The following CEMIP2 variants were observed in gnomAD, a reference collection of about 807,000 sequenced individuals.
CEMIP2 encodes cell surface hyaluronidase CEMIP2.
CEMIP2 carries 79 observed loss-of-function variants against 146.9 expected under a neutral mutation model. The observed-to-expected ratio is 0.54, with a 90% CI of 0.45 to 0.65. The LOEUF (loss-of-function observed/expected upper bound fraction) is 0.65. Among genes scored for constraint, CEMIP2 ranks in the 30% least tolerant of loss-of-function variants. The pLI, the probability that CEMIP2 is intolerant of heterozygous loss-of-function variation, is 0.00. For synonymous variants in CEMIP2, 601 were observed against 606.3 expected (o/e 0.99, Z 0.13); for missense variants, 1,596 against 1,696.2 (o/e 0.94, Z 1.04).
intron 22 of CEMIP2, chr9:71,687,462 C>CTGTGTGTGTGTGTGTGTGTGTGTG (rs71353506): frequency 7.1e-6 from 1 of 141,328 alleles, no homozygotes; most frequent in Non-Finnish European, 1.5e-5. Context: ...TATTTATTTT[C>CTGTGTGTGTGTGTGTGTGTGTGTG]TGTGTGTGTG....
chr9:71,740,743 T>A (rs1823890123), intron 4 of CEMIP2, among the ~76,000 whole-genome samples: 1 of 152,198 alleles, frequency 6.6e-6, no homozygotes, highest in Admixed American at 6.5e-5. Context: ...TAGTTTGCAA[T>A]AATTTATTTT....
intron 13 of CEMIP2, 50 bp from the exon 14 acceptor site, chr9:71,716,602 A>G (rs1823064457): frequency 7.0e-7 from 1 of 1,424,008 alleles, no homozygotes; most frequent in Non-Finnish European, 9.7e-7. Context: ...ATATTATGTA[A>G]AAAGAGGTAA....
At position 71,745,525 on chromosome 9, in the gene CEMIP2, G is replaced by A; in HGVS notation, c.527C>T (p.Thr176Ile). The change falls in exon 4 of 24, where the codon ACT (threonine) becomes ATT (isoleucine). Residue 176 changes from threonine (T) to isoleucine (I), a missense_variant. Transcript: ENST00000377044. ...ACCATCCTGGATCAGGATGTAATGA[G>A]TCCTCAAAGTAATATTTCTGGATCC... ...KDGSRNITLR[T>I]HYILIQDGGA... The A allele has an allele frequency of 1.2e-6, 2 of 1,613,220 alleles. No individual in the cohort carries two copies. Among genetic ancestry groups the A allele is most frequent in the Non-Finnish European group, 1.7e-6 (2 of 1,179,906 alleles).
At chr9:71,706,828 A>G (rs1005897793) in intron 17 of CEMIP2, among the ~76,000 whole-genome samples, 2 of 151,720 alleles carry the variant, frequency 1.3e-5, no homozygotes, top group East Asian at 1.9e-4. Flanking sequence ...TTATTTATTT[A>G]TTATTATTAT....
intron 15 of CEMIP2, among the ~76,000 whole-genome samples, chr9:71,714,280 CTG>C (rs374013264): frequency 2.6e-5 from 4 of 152,212 alleles, no homozygotes; most frequent in African/African-American, 9.7e-5. Context: ...GAAGTCCAAA[CTG>C]TGCCTCAGAA....
intron 3 of CEMIP2, among the ~76,000 whole-genome samples, 173 bp from the exon 4 acceptor site, chr9:71,745,752 C>T (rs1394366652): frequency 6.6e-6 from 1 of 152,242 alleles, no homozygotes; most frequent in East Asian, 1.9e-4. Flanking sequence ...TCTTAATATA[C>T]TCTCAATGCC....
chr9:71,709,706 A>T (rs1257359922), intron 16 of CEMIP2, among the ~76,000 whole-genome samples: 1 of 152,230 alleles, frequency 6.6e-6, no homozygotes. Flanking sequence ...TTTAATGGGC[A>T]AATGTTAAAC....
At chr9:71,744,898 T>C in intron 4 of CEMIP2, 120 bp downstream of exon 4, 2 of 1,039,568 alleles carry the variant, frequency 1.9e-6, no homozygotes, top group Non-Finnish European at 1.4e-6. Flanking sequence ...GACATGCAAA[T>C]GGTAGAGTGG....
chr9:71,742,582 T>G (rs542022224), intron 4 of CEMIP2, among the ~76,000 whole-genome samples: 16 of 152,262 alleles, frequency 1.1e-4, no homozygotes, highest in Non-Finnish European at 2.9e-5. Flanking sequence ...GAGCAATATT[T>G]TAAAAGGAAT....
At chr9:71,736,901 C>G (rs191867185) in intron 5 of CEMIP2, among the ~76,000 whole-genome samples, 28 of 152,124 alleles carry the variant, frequency 1.8e-4, no homozygotes, top group Admixed American at 4.6e-4. Context: ...CTAGGATGGG[C>G]GTGGTGGCTT....
intron 14 of CEMIP2, 144 bp from the exon 15 acceptor site, chr9:71,715,233 ACTG>A (rs1823012877): frequency 6.0e-5 from 42 of 697,782 alleles, no homozygotes; most frequent in South Asian, 1.6e-4. Context: ...GTCTTCAGAA[ACTG>A]CTTTTTTTTT....
chr9:71,717,408 A>T (rs1197313061), intron 13 of CEMIP2, among the ~76,000 whole-genome samples: 1 of 152,122 alleles, frequency 6.6e-6, no homozygotes, highest in East Asian at 1.9e-4. Flanking sequence ...AAAAATACAC[A>T]CACACATTTT....
intron 6 of CEMIP2, among the ~76,000 whole-genome samples, chr9:71,733,573 C>T (rs1310281482): frequency 6.6e-6 from 1 of 152,070 alleles, no homozygotes; most frequent in Non-Finnish European, 1.5e-5. Context: ...GAAAATTTTT[C>T]CTTAAATGTT....
At chr9:71,689,974 T>C in intron 22 of CEMIP2, 118 bp downstream of exon 22, 1 of 1,275,882 alleles carries the variant, frequency 7.8e-7, no homozygotes, top group Non-Finnish European at 1.1e-6. Flanking sequence ...ATGAACACCT[T>C]GCATAGTGCC....
intron 11 of CEMIP2, among the ~76,000 whole-genome samples, chr9:71,724,057 G>A (rs1236302044): frequency 2.0e-5 from 3 of 152,096 alleles, no homozygotes; most frequent in Admixed American, 6.6e-5. Flanking sequence ...CAACACCTTG[G>A]GAGGCCAAGG....
At chr9:71,714,693 A>G (rs1177647151) in intron 15 of CEMIP2, among the ~76,000 whole-genome samples, 1 of 152,230 alleles carries the variant, frequency 6.6e-6, no homozygotes, top group Non-Finnish European at 1.5e-5. Flanking sequence ...TATAAAATTG[A>G]TAATTAAATC....
In CEMIP2 at chr9:71,685,218, C is replaced by T. The variant is rs1354874502; in HGVS notation, c.4131G>A (p.Lys1377=). The change falls in exon 24 of 24, where the codon AAG becomes AAA. Residue 1377 remains lysine, a synonymous_variant. Coordinates refer to ENST00000377044, the MANE Select transcript of CEMIP2 (RefSeq NM_013390.3). ...GTCTCTAATGTGCTTTTGAAGCTTGCTTTAGCAGTTCCAGGTCTCTTCTGC... is the reference window on the plus strand; with the variant it reads ...GTCTCTAATGTGCTTTTGAAGCTTGTTTTAGCAGTTCCAGGTCTCTTCTGC... ...TVRRRDLELL[K]QASKAH The T allele has an allele frequency of 1.9e-6, 3 of 1,610,156 alleles. No homozygotes were observed. Among genetic ancestry groups the T allele is most frequent in the Admixed American group, 3.4e-5 (2 of 58,908 alleles).
chr9:71,687,460 T>TTGTGTG (rs1554679314), intron 22 of CEMIP2: 5 of 90,674 alleles, frequency 5.5e-5, no homozygotes, highest in African/African-American at 1.7e-4. Context: ...TGTATTTATT[T>TTGTGTG]TCTGTGTGTG....
At position 71,732,336 on chromosome 9, in the gene CEMIP2, A is replaced by C; in HGVS notation, c.1563+15T>G. The C allele has an allele frequency of 6.3e-7, 1 of 1,575,170 alleles. No individual in the cohort carries two copies. Among genetic ancestry groups the C allele is most frequent in the Non-Finnish European group, 8.6e-7 (1 of 1,165,406 alleles). On this transcript the variant is annotated intron_variant, in intron 7 of 23. Coordinates refer to ENST00000377044, the MANE Select transcript of CEMIP2 (RefSeq NM_013390.3). ...AACCAGGATTTCAAAGAAATAATCAAATCCTTTTGCCTACCATAATGTGTC... is the reference window on the plus strand; with the variant it reads ...AACCAGGATTTCAAAGAAATAATCACATCCTTTTGCCTACCATAATGTGTC...
Sources: allele counts gnomAD v4.1 joint callset (sites outside exome capture counted in the v4.1 genomes callset), GRCh38; gene constraint gnomAD v4.1.1; transcripts MANE v1.5; gene names NCBI Gene and HGNC (gene_info 2026-07-23, HGNC 2026-07-21).